The following TMEM263 variants were observed in gnomAD, a reference collection of about 807,000 sequenced individuals.
TMEM263 encodes the protein UPF0444 transmembrane protein C12orf23.
In TMEM263, 5 loss-of-function variants were observed where a neutral mutation model predicts 8.6. The observed-to-expected ratio is 0.58, with a 90% CI of 0.31 to 1.23. The LOEUF (loss-of-function observed/expected upper bound fraction) is 1.23, where lower values mean the gene tolerates loss of function less well. Ranked by LOEUF, TMEM263 falls within the 50% of genes most tolerant of loss-of-function variation. TMEM263 has a pLI of 0.07. For missense variants in TMEM263, 104 were observed against 138.8 expected (o/e 0.75, Z 1.26); for synonymous variants, 50 against 47.9 (o/e 1.04, Z -0.18).
Position 106,957,155 on chromosome 12 carries a change from C to T in TMEM263, c.-7+6C>T. 1.0e-6 allele frequency: 1 copy of T among 982,850 alleles called. No homozygotes were observed. The highest frequency in any genetic ancestry group is 1.2e-6 in the Non-Finnish European group (1 of 829,828). The allele number at this position is 982,850 out of a possible 1,614,324, so 60.9% of individuals were successfully genotyped here. On this transcript the variant is annotated splice_donor_region_variant and intron_variant, in intron 2 of 3. Coordinates refer to ENST00000280756, the MANE Select transcript of TMEM263 (RefSeq NM_152261.4). ...TATCGATACAACACCAACAGGTAAA[C>T]GCGCGCGCCCGTGTGTGTGTGTGTG...
intron 3 of TMEM263, among the ~76,000 whole-genome samples, chr12:106,968,208 T>C (rs1160184743): frequency 6.6e-6 from 1 of 152,208 alleles, no homozygotes; most frequent in East Asian, 1.9e-4. Flanking sequence ...TCTAAAATTT[T>C]CTTCCTATAT....
intron 2 of TMEM263, among the ~76,000 whole-genome samples, chr12:106,962,027 AT>A (rs1951783797): frequency 6.6e-6 from 1 of 152,170 alleles, no homozygotes; most frequent in African/African-American, 2.4e-5. Context: ...GAAAATATGT[AT>A]TTTTCTTTAA....
intron 1 of TMEM263, among the ~76,000 whole-genome samples, chr12:106,956,291 C>G (rs964898862): frequency 1.3e-5 from 2 of 152,140 alleles, no homozygotes; most frequent in Admixed American, 6.5e-5. Context: ...GCTGACTGCC[C>G]CGCCGCGATT....
chr12:106,965,670 C>T (rs1349114538), intron 2 of TMEM263, among the ~76,000 whole-genome samples: 1 of 151,516 alleles, frequency 6.6e-6, no homozygotes, highest in African/African-American at 2.4e-5. Flanking sequence ...CCTTTTTCTC[C>T]ATAGCATATA....
At chr12:106,966,271 A>G (rs1344002618) in intron 2 of TMEM263, among the ~76,000 whole-genome samples, 2 of 152,222 alleles carry the variant, frequency 1.3e-5, no homozygotes, top group Non-Finnish European at 2.9e-5. Flanking sequence ...TAGCTCACTT[A>G]GGATCATGGC....
chr12:106,963,762 TA>T (rs1193039420), intron 2 of TMEM263, among the ~76,000 whole-genome samples: 2 of 152,248 alleles, frequency 1.3e-5, no homozygotes, highest in African/African-American at 4.8e-5. Context: ...AACTAATTTT[TA>T]AAAATTGTCT....
At position 106,972,874 on chromosome 12, in the gene TMEM263, T is replaced by TC. The variant is rs1555271881; in HGVS notation, c.*1483_*1484insC. 11 of 151,084 alleles carry TC rather than the reference T, an allele frequency of 7.3e-5. No individual in the cohort carries two copies. The highest frequency in any genetic ancestry group is 2.0e-4 in the African/African-American group (8 of 40,876). 9.4% of individuals were successfully genotyped at this position (151,084 alleles called of 1,614,324 possible). A position where few individuals can be genotyped will look rare whatever the true frequency, so the allele number is the denominator to read the frequency against. On this transcript the variant is annotated 3_prime_UTR_variant, in exon 4 of 4. Coordinates refer to ENST00000280756, the MANE Select transcript of TMEM263 (RefSeq NM_152261.4). Reference sequence around the variant, plus strand: ...CATTCTGCCACCTTTTTTTTTTTTTTTTTTTATAGTGGAGGGGAGGAAAGG... The same window carrying TC: ...CATTCTGCCACCTTTTTTTTTTTTTTCTTTTTATAGTGGAGGGGAGGAAAGG...
intron 2 of TMEM263, among the ~76,000 whole-genome samples, chr12:106,960,481 T>C (rs1951756998): frequency 6.6e-6 from 1 of 152,190 alleles, no homozygotes; most frequent in South Asian, 2.1e-4. Flanking sequence ...TTATTGATAA[T>C]CCTATTGGTA....
Position 106,971,418 on chromosome 12 carries a change from A to C in TMEM263, c.*27A>C. On this transcript the variant is annotated 3_prime_UTR_variant, in exon 4 of 4. Transcript: ENST00000280756. ...ATATAGAGATACACTTGCGCTCCAC[A>C]GCACTGTAATGCCAGTGGCATTGAA... 1 of 1,554,282 alleles carries C rather than the reference A, an allele frequency of 6.4e-7. No individual in the cohort carries two copies. Among genetic ancestry groups the C allele is most frequent in the Non-Finnish European group, 8.7e-7 (1 of 1,149,680 alleles).
In TMEM263 at chr12:106,957,160, G is replaced by A. The variant is rs11837869; in HGVS notation, c.-7+11G>A. Reference sequence around the variant, plus strand: ...ATACAACACCAACAGGTAAACGCGCGCGCCCGTGTGTGTGTGTGTGTGTGT... The same window carrying A: ...ATACAACACCAACAGGTAAACGCGCACGCCCGTGTGTGTGTGTGTGTGTGT... On this transcript the variant is annotated intron_variant, in intron 2 of 3. Transcript: ENST00000280756. 2 of 979,692 alleles carry A rather than the reference G, an allele frequency of 2.0e-6. No homozygotes were observed. The highest frequency in any genetic ancestry group is 6.4e-5 in the Admixed American group (1 of 15,518). The allele number at this position is 979,692 out of a possible 1,614,324, so 60.7% of individuals were successfully genotyped here.
At chr12:106,966,007 T>C (rs1035573899) in intron 2 of TMEM263, among the ~76,000 whole-genome samples, 1 of 152,126 alleles carries the variant, frequency 6.6e-6, no homozygotes, top group African/African-American at 2.4e-5. Flanking sequence ...AATTTTAGGG[T>C]CAGGAGTACA....
intron 2 of TMEM263, among the ~76,000 whole-genome samples, chr12:106,958,594 C>A (rs914374383): frequency 6.6e-6 from 1 of 152,140 alleles, no homozygotes; most frequent in African/African-American, 2.4e-5. Flanking sequence ...AACAAAGAAG[C>A]CTTTCATATG....
intron 3 of TMEM263, among the ~76,000 whole-genome samples, chr12:106,968,778 T>C (rs1459843700): frequency 6.6e-6 from 1 of 152,236 alleles, no homozygotes; most frequent in African/African-American, 2.4e-5. Flanking sequence ...TGTACCAAAT[T>C]TGGCATGGCA....
chr12:106,956,105 G>T, intron 1 of TMEM263, 40 bp downstream of exon 1: 1 of 947,722 alleles, frequency 1.1e-6, no homozygotes, highest in Non-Finnish European at 1.3e-6. Flanking sequence ...CGCAGTCCCG[G>T]CTTCCTGCCC....
At chr12:106,968,549 A>G (rs1172630503) in intron 3 of TMEM263, among the ~76,000 whole-genome samples, 2 of 152,238 alleles carry the variant, frequency 1.3e-5, no homozygotes, top group Non-Finnish European at 2.9e-5. Context: ...TGAGAAAGAA[A>G]TCAGAAAAGG....
At position 106,957,095 on chromosome 12, in the gene TMEM263, T is replaced by G; in HGVS notation, c.-61T>G. 3 of 985,556 alleles carry G rather than the reference T, an allele frequency of 3.0e-6. No individual in the cohort carries two copies. Among genetic ancestry groups the G allele is most frequent in the Non-Finnish European group, 3.6e-6 (3 of 830,010 alleles). The allele number at this position is 985,556 out of a possible 1,614,324, so 61.1% of individuals were successfully genotyped here. On this transcript the variant is annotated 5_prime_UTR_variant, in exon 2 of 4. Coordinates refer to ENST00000280756, the MANE Select transcript of TMEM263 (RefSeq NM_152261.4). ...GCTATTGTTTAGCCTTTGAAACTTC[T>G]GCTGGTGTGAGTGCCCTCAGGGGTT...
intron 2 of TMEM263, among the ~76,000 whole-genome samples, chr12:106,958,878 T>C (rs751080943): frequency 6.6e-6 from 1 of 152,236 alleles, no homozygotes; most frequent in Non-Finnish European, 1.5e-5. Context: ...TTCAAAGTGC[T>C]GGGATTACAG....
intron 2 of TMEM263, chr12:106,959,370 G>A (rs1314894443): frequency 6.6e-6 from 1 of 152,022 alleles, no homozygotes; most frequent in Non-Finnish European, 1.5e-5. Flanking sequence ...AGCCTCCCTG[G>A]TAGCTGGGAT....
rs903982297 is a variant in TMEM263 at position 106,955,971 on chromosome 12, GGCCGCCGCT to G, written c.-162_-154del. 207 of 986,412 alleles carry G rather than the reference GGCCGCCGCT, an allele frequency of 2.1e-4. No homozygotes were observed. Among genetic ancestry groups the G allele is most frequent in the Non-Finnish European group, 2.4e-4 (201 of 830,926 alleles). 61.1% of individuals were successfully genotyped at this position (986,412 alleles called of 1,614,324 possible). ...AGCCGCGACTGCCCGGGGTTGTGCC[GGCCGCCGCT>G]GCCGCCCAGGCCGCCTCAGCTCTCC... On this transcript the variant is annotated 5_prime_UTR_variant, in exon 1 of 4. Transcript: ENST00000280756.
Sources: allele counts gnomAD v4.1 joint callset (sites outside exome capture counted in the v4.1 genomes callset), GRCh38; gene constraint gnomAD v4.1.1; transcripts MANE v1.5; gene names NCBI Gene and HGNC (gene_info 2026-07-23, HGNC 2026-07-21).